The following PPEF1 variants were observed in gnomAD, a reference collection of about 807,000 sequenced individuals.
The protein encoded by PPEF1 is serine/threonine-protein phosphatase with EF-hands 1.
Under a neutral mutation model 53.3 loss-of-function variants are expected in PPEF1, and 12 were observed. The observed-to-expected ratio is 0.23, with a 90% CI of 0.14 to 0.36. The LOEUF (loss-of-function observed/expected upper bound fraction) is 0.36, where lower values mean the gene tolerates loss of function less well. Ranked by LOEUF, PPEF1 falls within the 10% of genes least tolerant of loss-of-function variation. The probability of loss-of-function intolerance (pLI) is 1.00; values close to 1 mark genes in which losing one functional copy is unlikely to be tolerated. For missense variants in PPEF1, 334 were observed against 490.4 expected (o/e 0.68, Z 3.01); for synonymous variants, 165 against 176.7 (o/e 0.93, Z 0.52).
At chrX:18,758,001 G>A (rs1447460738) in intron 5 of PPEF1, among the ~76,000 whole-genome samples, 1 of 111,107 alleles carries the variant, frequency 9.0e-6, no homozygotes, top group African/African-American at 3.3e-5. Flanking sequence ...ACCACCCATG[G>A]GTGGAATAAG....
chrX:18,711,800 G>A (rs1266250775), intron 1 of PPEF1, among the ~76,000 whole-genome samples: 1 of 105,144 alleles, frequency 9.5e-6, no homozygotes, highest in Non-Finnish European at 1.9e-5. Context: ...TGTAGCCCAG[G>A]CTGGAGTGCA....
intron 4 of PPEF1, among the ~76,000 whole-genome samples, chrX:18,751,951 T>G (rs2045453688): frequency 8.9e-6 from 1 of 112,236 alleles, no homozygotes; most frequent in Admixed American, 9.5e-5. Context: ...ACTTTGTTCT[T>G]TTGCAGTGTT....
At chrX:18,755,874 A>C (rs2147485793) in intron 4 of PPEF1, among the ~76,000 whole-genome samples, 1 of 111,537 alleles carries the variant, frequency 9.0e-6, no homozygotes, top group African/African-American at 3.2e-5. Flanking sequence ...AGCATGGATC[A>C]GTACTTCCTT....
chrX:18,793,477 T>C (rs904197518), intron 10 of PPEF1, among the ~76,000 whole-genome samples: 1 of 111,758 alleles, frequency 8.9e-6, no homozygotes, highest in African/African-American at 3.3e-5. Context: ...CTTTTAAAAT[T>C]TGTTGAGGCT....
At chrX:18,758,498 T>C (rs1179199595) in intron 5 of PPEF1, among the ~76,000 whole-genome samples, 2 of 112,050 alleles carry the variant, frequency 1.8e-5, no homozygotes, top group Non-Finnish European at 3.8e-5. Context: ...CTAATTAAAC[T>C]ATTTGCATTT....
intron 3 of PPEF1, among the ~76,000 whole-genome samples, chrX:18,739,973 G>T (rs1240542255): frequency 4.4e-5 from 5 of 112,582 alleles, no homozygotes; most frequent in Non-Finnish European, 9.4e-5. Context: ...CATTTGCTAA[G>T]ACCATTGGAA....
At chrX:18,787,451 C>G (rs1220462440) in intron 9 of PPEF1, among the ~76,000 whole-genome samples, 1 of 111,432 alleles carries the variant, frequency 9.0e-6, no homozygotes, top group Non-Finnish European at 1.9e-5. Flanking sequence ...ATTTGTCAAA[C>G]TCCCCAGCAA....
At chrX:18,723,281 A>C (rs972140721) in intron 1 of PPEF1, among the ~76,000 whole-genome samples, 3 of 111,794 alleles carry the variant, frequency 2.7e-5, no homozygotes, top group African/African-American at 9.8e-5. Flanking sequence ...CACCATGTGC[A>C]GTCATAATTT....
intron 8 of PPEF1, among the ~76,000 whole-genome samples, chrX:18,783,109 C>T (rs1361186307): frequency 6.6e-5 from 4 of 60,172 alleles, no homozygotes; most frequent in Non-Finnish European, 1.3e-4. Flanking sequence ...GAGACTCCAT[C>T]TCAAAAAAAA....
At chrX:18,790,374 C>A (rs2037152064) in intron 10 of PPEF1, among the ~76,000 whole-genome samples, 1 of 111,633 alleles carries the variant, frequency 9.0e-6, no homozygotes. Flanking sequence ...ATATTATTTG[C>A]AAATACCCTC....
chrX:18,708,276 C>G (rs1013926051), intron 1 of PPEF1, among the ~76,000 whole-genome samples: 5 of 111,726 alleles, frequency 4.5e-5, no homozygotes, highest in African/African-American at 1.6e-4. Context: ...ATTTGCATCA[C>G]GTTTTAAAAA....
Position 18,730,312 on chromosome X carries a change from T to C in PPEF1, c.174+4T>C, listed in dbSNP as rs768064918. On this transcript the variant is annotated splice_donor_region_variant and intron_variant, in intron 2 of 15. Coordinates refer to ENST00000470157, the MANE Select transcript of PPEF1 (RefSeq NM_001377996.1). Reference sequence around the variant, plus strand: ...TGATGAACAAGGCCAAATGCAGGTCTGTTTTGCAAGCTTTTCTCTTCTTTT... The same window carrying C: ...TGATGAACAAGGCCAAATGCAGGTCCGTTTTGCAAGCTTTTCTCTTCTTTT... 2.5e-6 allele frequency: 3 copies of C among 1,203,099 alleles called. No individual in the cohort carries two copies. Among genetic ancestry groups the C allele is most frequent in the Non-Finnish European group, 2.2e-6 (2 of 890,887 alleles).
intron 9 of PPEF1, among the ~76,000 whole-genome samples, chrX:18,788,237 G>A (rs952655756): frequency 3.9e-5 from 4 of 102,808 alleles, no homozygotes; most frequent in Non-Finnish European, 7.9e-5. Context: ...CCCGGGAGGC[G>A]GAGCTTGCAG....
chrX:18,799,329 C>T (rs1157988214), intron 10 of PPEF1, among the ~76,000 whole-genome samples: 2 of 110,588 alleles, frequency 1.8e-5, no homozygotes, highest in African/African-American at 6.6e-5. Flanking sequence ...TTGCTCGAAC[C>T]CAGGAGGCGG....
chrX:18,685,601 C>T (rs971446928), intron 2 of PPEF1, among the ~76,000 whole-genome samples: 3 of 103,301 alleles, frequency 2.9e-5, no homozygotes, highest in Non-Finnish European at 5.8e-5. Flanking sequence ...AGGAGGATGG[C>T]GTGAACCCGG....
intron 4 of PPEF1, among the ~76,000 whole-genome samples, chrX:18,694,627 C>T (rs1957784150): frequency 9.0e-6 from 1 of 111,370 alleles, no homozygotes; most frequent in Non-Finnish European, 1.9e-5. Context: ...ATCCCAACTA[C>T]TTGGGAGGCT....
intron 5 of PPEF1, among the ~76,000 whole-genome samples, chrX:18,761,294 A>G (rs748766928): frequency 1.2e-4 from 13 of 111,747 alleles, no homozygotes; most frequent in Non-Finnish European, 2.1e-4. Flanking sequence ...AGAGTGATCG[A>G]AGCCCTGTGC....
upstream of PPEF1, among the ~76,000 whole-genome samples, chrX:18,707,132 C>CTT (rs200997106): frequency 1.0e-4 from 11 of 110,318 alleles, no homozygotes; most frequent in African/African-American, 3.6e-4. Context: ...CGGCTGCCTC[C>CTT]TTTTTTTTAA....
intron 12 of PPEF1, among the ~76,000 whole-genome samples, chrX:18,806,931 T>C (rs1316163942): frequency 2.7e-5 from 3 of 112,291 alleles, no homozygotes; most frequent in African/African-American, 6.5e-5. Context: ...TGAGTGTCTC[T>C]CTCCATGTGA....
Sources: gnomAD v4.1 joint callset for allele counts (sites outside exome capture counted in the v4.1 genomes callset) on GRCh38, gnomAD v4.1.1 for gene constraint, MANE v1.5 for transcripts, NCBI Gene and HGNC (gene_info 2026-07-23, HGNC 2026-07-21) for gene names.